C3orf70: variants seen among roughly 807,000 people sequenced by gnomAD.
C3orf70 encodes the protein UPF0524 protein C3orf70.
Under a neutral mutation model 20.7 loss-of-function variants are expected in C3orf70, and 15 were observed. The observed-to-expected ratio is 0.72, with a 90% CI of 0.48 to 1.11. The LOEUF (loss-of-function observed/expected upper bound fraction) is 1.11, where lower values mean the gene tolerates loss of function less well. Ranked by LOEUF, C3orf70 falls within the 50% of genes most tolerant of loss-of-function variation. C3orf70 has a pLI of 0.00. For synonymous variants in C3orf70, 161 were observed against 125.7 expected (o/e 1.28, Z -1.88); for missense variants, 332 against 317.6 (o/e 1.05, Z -0.34).
At chr3:185,114,084 A>G (rs942516737) in intron 1 of C3orf70, among the ~76,000 whole-genome samples, 1 of 152,118 alleles carries the variant, frequency 6.6e-6, no homozygotes, top group African/African-American at 2.4e-5. Flanking sequence ...CTGTAATCCC[A>G]GTTACTTGGG....
At position 185,117,271 on chromosome 3, in the gene C3orf70, T is replaced by G. The variant is rs145927965; in HGVS notation, c.197-33708A>C. ...TGAAAACATCAGTTAGTATTATTTA[T>G]TTCTGGGTAAGTGCCATATCACTTT... On this transcript the variant is annotated intron_variant, in intron 1 of 1. Coordinates refer to ENST00000335012, the MANE Select transcript of C3orf70 (RefSeq NM_001025266.3). Among the ~76,000 whole-genome samples the G allele has an allele frequency of 6.2e-4, 94 of 152,300 alleles. 1 individual carries two copies. Among genetic ancestry groups the G allele is most frequent in the Middle Eastern group, 3.4e-3 (1 of 294 alleles).
At chr3:185,105,675 C>T (rs12497360) in intron 1 of C3orf70, among the ~76,000 whole-genome samples, 12 of 152,280 alleles carry the variant, frequency 7.9e-5, no homozygotes, top group Admixed American at 5.2e-4. Context: ...CCTCTAGTGC[C>T]GCTGGGTTAG....
chr3:185,135,185 C>A (rs1267036612), intron 1 of C3orf70, among the ~76,000 whole-genome samples: 1 of 151,676 alleles, frequency 6.6e-6, no homozygotes, highest in Non-Finnish European at 1.5e-5. Context: ...TACTGAGATA[C>A]AGAGATGTTA....
At chr3:185,140,280 T>C (rs1716724551) in intron 1 of C3orf70, among the ~76,000 whole-genome samples, 1 of 152,124 alleles carries the variant, frequency 6.6e-6, no homozygotes, top group Non-Finnish European at 1.5e-5. Context: ...AAGCCTCTGC[T>C]AAGAGGATGA....
At position 185,076,865 on chromosome 3, in the gene C3orf70, GAATAA is replaced by G. The variant is rs1017297590; in HGVS notation, c.*6137_*6141del. Reference sequence around the variant, plus strand: ...AGATGCTAAATTAAAGTTTATTGCAGAATAAAAGTGTGTGCAGTCAGCATTTGTAA... The same window carrying G: ...AGATGCTAAATTAAAGTTTATTGCAGAAGTGTGTGCAGTCAGCATTTGTAA... On this transcript the variant is annotated 3_prime_UTR_variant, in exon 2 of 2. Coordinates refer to ENST00000335012, the MANE Select transcript of C3orf70 (RefSeq NM_001025266.3). Among the ~76,000 whole-genome samples the G allele has an allele frequency of 1.4e-4, 21 of 152,192 alleles. No homozygotes were observed. The highest frequency in any genetic ancestry group is 5.1e-4 in the African/African-American group (21 of 41,440).
chr3:185,082,949 C>T lies in C3orf70; in HGVS notation c.*58G>A. On this transcript the variant is annotated 3_prime_UTR_variant, in exon 2 of 2. Coordinates refer to ENST00000335012, the MANE Select transcript of C3orf70 (RefSeq NM_001025266.3). ...AACAGCATTGGAAAAAAGGATCCAC[C>T]AGACAAAGGTACAAAAGCTCGGCGT... The T allele has an allele frequency of 1.3e-6, 2 of 1,528,094 alleles. No individual in the cohort carries two copies. Among genetic ancestry groups the T allele is most frequent in the South Asian group, 2.5e-5 (2 of 79,472 alleles). The allele number at this position is 1,528,094 out of a possible 1,614,324, so 94.7% of individuals were successfully genotyped here.
At chr3:185,105,652 T>C (rs1009729501) in intron 1 of C3orf70, among the ~76,000 whole-genome samples, 1 of 152,212 alleles carries the variant, frequency 6.6e-6, no homozygotes, top group African/African-American at 2.4e-5. Context: ...TATTTCTCTG[T>C]GTGTTTTTAA....
Position 185,081,675 on chromosome 3 carries a change from A to T in C3orf70, c.*1332T>A, listed in dbSNP as rs1283036143. 6.6e-6 allele frequency: 1 copy of T among 152,644 alleles called. No homozygotes were observed. Among genetic ancestry groups the T allele is most frequent in the East Asian group, 1.9e-4 (1 of 5,192 alleles). 9.5% of individuals were successfully genotyped at this position (152,644 alleles called of 1,614,324 possible). ...TGGTATAAATGGAGAGTAGAAGTAG[A>T]ATTCTGAAGAGAGCTAAATAAGAAA... On this transcript the variant is annotated 3_prime_UTR_variant, in exon 2 of 2. Coordinates refer to ENST00000335012, the MANE Select transcript of C3orf70 (RefSeq NM_001025266.3).
rs192388869 is a variant in C3orf70 at position 185,096,632 on chromosome 3, C to T, written c.197-13069G>A. Among the ~76,000 whole-genome samples, 63 of 152,150 alleles carry T rather than the reference C, an allele frequency of 4.1e-4. 1 individual carries two copies. Among genetic ancestry groups the T allele is most frequent in the Middle Eastern group, 3.4e-3 (1 of 294 alleles). On this transcript the variant is annotated intron_variant, in intron 1 of 1. Coordinates refer to ENST00000335012, the MANE Select transcript of C3orf70 (RefSeq NM_001025266.3). ...ACTCTGCAGGAGGAAGGGGCTCTGCCGCTGCTGGCTGCTGACAGTGTGAAG... is the reference window on the plus strand; with the variant it reads ...ACTCTGCAGGAGGAAGGGGCTCTGCTGCTGCTGGCTGCTGACAGTGTGAAG...
At chr3:185,109,417 C>A (rs1716015340) in intron 1 of C3orf70, among the ~76,000 whole-genome samples, 1 of 152,096 alleles carries the variant, frequency 6.6e-6, no homozygotes, top group Admixed American at 6.5e-5. Flanking sequence ...GAGCCAGATG[C>A]CGAGGAAGAG....
chr3:185,085,857 T>TA (rs1343473476), intron 1 of C3orf70, among the ~76,000 whole-genome samples: 1 of 152,156 alleles, frequency 6.6e-6, no homozygotes, highest in East Asian at 1.9e-4. Flanking sequence ...AGAACGGACT[T>TA]AGAGAACCTG....
At chr3:185,147,499 GCTCA>G (rs1332935595) in intron 1 of C3orf70, among the ~76,000 whole-genome samples, 4 of 152,282 alleles carry the variant, frequency 2.6e-5, no homozygotes, top group African/African-American at 7.2e-5. Context: ...TGTTGGTTCT[GCTCA>G]CTAATTTTAA....
intron 1 of C3orf70, among the ~76,000 whole-genome samples, chr3:185,140,264 T>TG (rs1361979656): frequency 2.0e-5 from 3 of 152,020 alleles, no homozygotes; most frequent in Non-Finnish European, 4.4e-5. Context: ...TAAATAAAGG[T>TG]GGGGGAAGCC....
At chr3:185,118,194 A>G (rs12107550) in intron 1 of C3orf70, among the ~76,000 whole-genome samples, 1,667 of 152,306 alleles carry the variant, frequency 0.011, 36 homozygotes, top group African/African-American at 0.039. Flanking sequence ...AAATGAATAA[A>G]TGAATGTTCT....
chr3:185,088,874 C>G (rs186815627), intron 1 of C3orf70, among the ~76,000 whole-genome samples: 1 of 152,014 alleles, frequency 6.6e-6, no homozygotes, highest in South Asian at 2.1e-4. Context: ...TTTCTATTTA[C>G]GTCATTCCTT....
intron 1 of C3orf70, among the ~76,000 whole-genome samples, chr3:185,093,203 C>A (rs1338823719): frequency 6.6e-6 from 1 of 152,154 alleles, no homozygotes; most frequent in Non-Finnish European, 1.5e-5. Context: ...ACCAAGCAAC[C>A]TGTACAGGGC....
At chr3:185,102,095 A>G (rs1715834792) in intron 1 of C3orf70, among the ~76,000 whole-genome samples, 1 of 152,316 alleles carries the variant, frequency 6.6e-6, no homozygotes, top group African/African-American at 2.4e-5. Flanking sequence ...AAAGAATGAA[A>G]GGGCATCCAT....
chr3:185,138,346 A>C (rs1007143919), intron 1 of C3orf70, among the ~76,000 whole-genome samples: 3 of 152,256 alleles, frequency 2.0e-5, no homozygotes, highest in African/African-American at 7.2e-5. Flanking sequence ...ATTTAATACC[A>C]GTTCTGCACA....
At chr3:185,130,538 C>A (rs1716504821) in intron 1 of C3orf70, among the ~76,000 whole-genome samples, 2 of 152,114 alleles carry the variant, frequency 1.3e-5, no homozygotes, top group African/African-American at 4.8e-5. Flanking sequence ...CAAAGTTGTA[C>A]AAATACCACT....
Sources: allele counts gnomAD v4.1 joint callset (sites outside exome capture counted in the v4.1 genomes callset), GRCh38; gene constraint gnomAD v4.1.1; transcripts MANE v1.5; gene names NCBI Gene and HGNC (gene_info 2026-07-23, HGNC 2026-07-21).